DTL: variants seen among roughly 807,000 people sequenced by gnomAD.
DTL encodes the protein denticleless protein homolog.
A neutral mutation model predicts 87.0 loss-of-function variants in DTL; 46 were observed. The observed-to-expected ratio is 0.53, with a 90% CI of 0.42 to 0.68. The LOEUF (loss-of-function observed/expected upper bound fraction) is 0.68, where lower values mean the gene tolerates loss of function less well. Ranked by LOEUF, DTL falls within the 30% of genes least tolerant of loss-of-function variation. The probability of loss-of-function intolerance (pLI) is 0.00; values close to 1 mark genes in which losing one functional copy is unlikely to be tolerated. For synonymous variants in DTL, 308 were observed against 311.2 expected (o/e 0.99, Z 0.11); for missense variants, 737 against 869.4 (o/e 0.85, Z 1.91).
At chr1:212,052,453 A>T (rs1668015836) in intron 5 of DTL, among the ~76,000 whole-genome samples, 1 of 152,118 alleles carries the variant, frequency 6.6e-6, no homozygotes, top group South Asian at 2.1e-4. Flanking sequence ...CTAGGCCAAC[A>T]TGATGAAATC....
intron 5 of DTL, among the ~76,000 whole-genome samples, chr1:212,059,863 T>A (rs1413888985): frequency 8.2e-6 from 1 of 121,536 alleles, no homozygotes; most frequent in Non-Finnish European, 1.8e-5. Flanking sequence ...ACAAAAAAAA[T>A]AGCATTTCTA....
chr1:212,038,513 C>T (rs1240766292), intron 1 of DTL, among the ~76,000 whole-genome samples: 1 of 152,238 alleles, frequency 6.6e-6, no homozygotes, highest in Non-Finnish European at 1.5e-5. Flanking sequence ...CTCACAGTTA[C>T]ACATTCAAAA....
Position 212,072,233 on chromosome 1 carries a change from C to T in DTL, c.1035+20C>T. 3 of 1,556,546 alleles carry T rather than the reference C, an allele frequency of 1.9e-6. No individual in the cohort carries two copies. Among genetic ancestry groups the T allele is most frequent in the Non-Finnish European group, 1.8e-6 (2 of 1,127,852 alleles). ...TGGAAGGTAAGTTGCTAAACTTCAC[C>T]CACAAGTGTTAGACTGAAGTATTCT... is the stretch of plus-strand genomic sequence containing the variant. On this transcript the variant is annotated intron_variant, in intron 11 of 14. Transcript: ENST00000366991.
intron 7 of DTL, 23 bp from the exon 8 acceptor site, chr1:212,066,789 T>A: frequency 6.2e-7 from 1 of 1,608,760 alleles, no homozygotes; most frequent in Admixed American, 1.7e-5. Context: ...AGATAGAATC[T>A]TCTTCTTTTC....
rs1352213924 is a variant in DTL, at chr1:212,104,484, G to GT, written c.*1547dup. 6.6e-6 allele frequency: 1 copy of GT among 151,868 alleles called. No homozygotes were observed. The highest frequency in any genetic ancestry group is 1.5e-5 in the Non-Finnish European group (1 of 67,982). 9.4% of individuals were successfully genotyped at this position (151,868 alleles called of 1,614,324 possible). On this transcript the variant is annotated 3_prime_UTR_variant, in exon 15 of 15. Transcript: ENST00000366991. ...TCTGCCTAATCTGCTTATATTTGGT[G>GT]TTTGTTTTTTGACTGTTGGGCTTTG...
chr1:212,047,388 A>G lies in DTL; in HGVS notation c.431A>G (p.Lys144Arg). 3 of 1,614,230 alleles carry G rather than the reference A, an allele frequency of 1.9e-6. No homozygotes were observed. Among genetic ancestry groups the G allele is most frequent in the Non-Finnish European group, 2.5e-6 (3 of 1,180,036 alleles). Residue 144 changes from lysine (K) to arginine (R), a missense_variant, in exon 5 of 15, where the codon AAG becomes AGG. Lys to Arg is a conservative substitution (Grantham distance 26). Transcript: ENST00000366991. ...GTCKGHQCSL[K>R]SVAFSKFEKA... ...TGCAAAGGTCATCAATGCAGCCTCA[A>G]GTCAGTTGCCTTTTCTAAGTTTGAG...
intron 1 of DTL, among the ~76,000 whole-genome samples, chr1:212,041,055 G>A (rs530270228): frequency 6.6e-6 from 1 of 152,318 alleles, no homozygotes; most frequent in Admixed American, 6.5e-5. Flanking sequence ...AACTCCAGGG[G>A]CTTAAGTTGT....
rs1191204465 is a variant in DTL at position 212,065,045 on chromosome 1, T to C, written c.639+16T>C. Reference sequence around the variant, plus strand: ...TCCTTCTGTGGTAAGGTTTTACAGATGTATACATGTGTGCAGATCTTATCT... The same window carrying C: ...TCCTTCTGTGGTAAGGTTTTACAGACGTATACATGTGTGCAGATCTTATCT... On this transcript the variant is annotated intron_variant, in intron 7 of 14. Transcript: ENST00000366991. 2 of 1,538,826 alleles carry C rather than the reference T, an allele frequency of 1.3e-6. No individual in the cohort carries two copies. The highest frequency in any genetic ancestry group is 1.7e-5 in the Admixed American group (1 of 59,876).
At chr1:212,046,821 G>A (rs916633599) in intron 3 of DTL, among the ~76,000 whole-genome samples, 1 of 152,162 alleles carries the variant, frequency 6.6e-6, no homozygotes, top group Non-Finnish European at 1.5e-5. Context: ...TGGGATTGCT[G>A]GGTCAAATGG....
At chr1:212,050,865 TATTA>T (rs1667950590) in intron 5 of DTL, among the ~76,000 whole-genome samples, 1 of 152,204 alleles carries the variant, frequency 6.6e-6, no homozygotes, top group South Asian at 2.1e-4. Flanking sequence ...TTGCTAAGGT[TATTA>T]ATTATCTAAT....
At chr1:212,045,519 A>G (rs1667782239) in intron 3 of DTL, among the ~76,000 whole-genome samples, 1 of 152,224 alleles carries the variant, frequency 6.6e-6, no homozygotes, top group Admixed American at 6.5e-5. Context: ...GATAATTTGG[A>G]ACCCATAAGT....
chr1:212,065,482 A>C (rs1654465263), intron 7 of DTL, among the ~76,000 whole-genome samples: 1 of 152,156 alleles, frequency 6.6e-6, no homozygotes, highest in African/African-American at 2.4e-5. Flanking sequence ...TACTGTGTGC[A>C]TCAGAGTTGC....
At chr1:212,085,617 CTT>C (rs1333577688) in intron 13 of DTL, among the ~76,000 whole-genome samples, 1 of 152,224 alleles carries the variant, frequency 6.6e-6, no homozygotes, top group East Asian at 1.9e-4. Flanking sequence ...GATGGTGTCT[CTT>C]GACACATGTA....
chr1:212,093,221 G>A (rs909613413), intron 13 of DTL, among the ~76,000 whole-genome samples: 3 of 152,130 alleles, frequency 2.0e-5, no homozygotes, highest in Admixed American at 2.0e-4. Context: ...GCATACAGAT[G>A]GGCAGGCTGT....
chr1:212,075,617 C>T (rs1055362342), intron 11 of DTL, among the ~76,000 whole-genome samples: 6 of 152,092 alleles, frequency 3.9e-5, no homozygotes, highest in Non-Finnish European at 8.8e-5. Flanking sequence ...TAGGATAGTC[C>T]TAAACTATCA....
intron 6 of DTL, among the ~76,000 whole-genome samples, chr1:212,064,455 C>T (rs1463731395): frequency 2.6e-5 from 4 of 152,296 alleles, no homozygotes; most frequent in Admixed American, 1.3e-4. Context: ...TGTGTAATGA[C>T]GTGCGTCCAC....
intron 2 of DTL, among the ~76,000 whole-genome samples, chr1:212,044,254 G>T (rs1344917766): frequency 6.6e-6 from 1 of 152,144 alleles, no homozygotes; most frequent in African/African-American, 2.4e-5. Context: ...CCTCGATTTA[G>T]CCCTTCTCTA....
intron 2 of DTL, among the ~76,000 whole-genome samples, chr1:212,043,629 A>G (rs1277350784): frequency 6.7e-6 from 1 of 149,098 alleles, no homozygotes; most frequent in Non-Finnish European, 1.5e-5. Context: ...CAGGAGTTCA[A>G]GGCAGCCTGG....
chr1:212,088,286 T>C (rs1028604511), intron 13 of DTL, among the ~76,000 whole-genome samples: 2 of 152,214 alleles, frequency 1.3e-5, no homozygotes, highest in African/African-American at 2.4e-5. Flanking sequence ...AGGATAATTA[T>C]AGAGTCAATT....
Sources: allele counts gnomAD v4.1 joint callset (sites outside exome capture counted in the v4.1 genomes callset), GRCh38; gene constraint gnomAD v4.1.1; transcripts MANE v1.5; gene names NCBI Gene and HGNC (gene_info 2026-07-23, HGNC 2026-07-21).